The following LOC128462377 variants were observed in gnomAD, a reference collection of about 807,000 sequenced individuals.
At chr16:89,324,783 T>C in the LOC128462377 span, 1 of 292,104 alleles carries the variant, frequency 3.4e-6, no homozygotes, top group Non-Finnish European at 6.7e-6. Flanking sequence ...AAAGCTGCGC[T>C]GTTGGCTTCC....
chr16:89,317,509 G>C, the LOC128462377 span, among the ~76,000 whole-genome samples: 1 of 152,158 alleles, frequency 6.6e-6, no homozygotes, highest in Admixed American at 6.5e-5. Flanking sequence ...AGGTCTGGCA[G>C]GTCATGTCCA....
the LOC128462377 span, among the ~76,000 whole-genome samples, chr16:89,321,588 G>C: frequency 1.3e-5 from 2 of 152,208 alleles, 1 homozygote. Context: ...GGGTCCCCTC[G>C]GGCCTTCTGA....
chr16:89,399,248 CG>C, the LOC128462377 span, among the ~76,000 whole-genome samples: 2 of 152,060 alleles, frequency 1.3e-5, no homozygotes, highest in Non-Finnish European at 1.5e-5. Context: ...TTCATTTATC[CG>C]TAAGAGAAGC....
chr16:89,323,486 G>A, the LOC128462377 span, among the ~76,000 whole-genome samples: 1 of 112,008 alleles, frequency 8.9e-6, no homozygotes, highest in Non-Finnish European at 1.8e-5. Context: ...GCAGAGCCCA[G>A]GGCAGGGGGG....
chr16:89,354,493 A>AGGGCAGC, the LOC128462377 span, among the ~76,000 whole-genome samples: 1 of 152,370 alleles, frequency 6.6e-6, no homozygotes, highest in African/African-American at 2.4e-5. Flanking sequence ...CAGAGGGCAG[A>AGGGCAGC]GGGCAGCGTG....
At chr16:89,354,541 C>A in the LOC128462377 span, among the ~76,000 whole-genome samples, 3 of 152,130 alleles carry the variant, frequency 2.0e-5, no homozygotes, top group Non-Finnish European at 4.4e-5. Context: ...CACTTCTAGG[C>A]TGGAATACTC....
At chr16:89,338,726 CAAAAAAAAAAAA>C in the LOC128462377 span, among the ~76,000 whole-genome samples, 1 of 43,792 alleles carries the variant, frequency 2.3e-5, no homozygotes, top group Non-Finnish European at 3.9e-5. Flanking sequence ...CACTCAGTCT[CAAAAAAAAAAAA>C]AAAAAAAAAA....
At chr16:89,365,915 G>T in the LOC128462377 span, among the ~76,000 whole-genome samples, 17 of 151,856 alleles carry the variant, frequency 1.1e-4, no homozygotes, top group African/African-American at 3.9e-4. Context: ...CTGTGTCCAC[G>T]TGTTCTCATC....
At chr16:89,381,140 T>G in the LOC128462377 span, among the ~76,000 whole-genome samples, 1 of 152,034 alleles carries the variant, frequency 6.6e-6, no homozygotes, top group Non-Finnish European at 1.5e-5. Flanking sequence ...CCGGCCAACA[T>G]GGCGAAACCC....
At chr16:89,326,886 T>A in the LOC128462377 span, among the ~76,000 whole-genome samples, 3 of 152,180 alleles carry the variant, frequency 2.0e-5, no homozygotes, top group African/African-American at 7.2e-5. Flanking sequence ...TCCGGGCACA[T>A]CTGCACGTGG....
At chr16:89,318,431 C>T in the LOC128462377 span, among the ~76,000 whole-genome samples, 1 of 152,266 alleles carries the variant, frequency 6.6e-6, no homozygotes, top group South Asian at 2.1e-4. Flanking sequence ...GTGCACGTCT[C>T]TGCCCTTTCC....
the LOC128462377 span, among the ~76,000 whole-genome samples, chr16:89,377,117 TC>T: frequency 2.0e-5 from 3 of 152,114 alleles, no homozygotes; most frequent in Non-Finnish European, 4.4e-5. Context: ...ATGCCCTTGG[TC>T]CCCCAGAACC....
the LOC128462377 span, among the ~76,000 whole-genome samples, chr16:89,339,426 G>A: frequency 4.6e-5 from 7 of 152,198 alleles, no homozygotes; most frequent in African/African-American, 1.2e-4. Flanking sequence ...GCATCACACA[G>A]GTCAGATCTG....
At chr16:89,337,318 C>T in the LOC128462377 span, among the ~76,000 whole-genome samples, 1 of 151,892 alleles carries the variant, frequency 6.6e-6, no homozygotes, top group Non-Finnish European at 1.5e-5. Flanking sequence ...TCCTCCGCCA[C>T]GTGACCAAGC....
At chr16:89,386,844 C>T in the LOC128462377 span, among the ~76,000 whole-genome samples, 1 of 152,306 alleles carries the variant, frequency 6.6e-6, no homozygotes, top group East Asian at 1.9e-4. Context: ...TCAGTCCTAT[C>T]ACAGCCAGAG....
the LOC128462377 span, among the ~76,000 whole-genome samples, chr16:89,378,859 T>G: frequency 1.1e-4 from 15 of 141,256 alleles, no homozygotes; most frequent in Admixed American, 7.1e-4. Context: ...AAGGGGTTGA[T>G]GGGTGGGGCG....
At chr16:89,384,813 C>T in the LOC128462377 span, among the ~76,000 whole-genome samples, 2 of 150,384 alleles carry the variant, frequency 1.3e-5, no homozygotes, top group Admixed American at 6.7e-5. Context: ...ACAACAGAAC[C>T]GCTGCAGGTG....
chr16:89,400,890 G>A, the LOC128462377 span, among the ~76,000 whole-genome samples: 1 of 152,126 alleles, frequency 6.6e-6, no homozygotes, highest in East Asian at 1.9e-4. Flanking sequence ...TTGGACGCCT[G>A]TCGCCCTCCA....
the LOC128462377 span, among the ~76,000 whole-genome samples, chr16:89,335,527 C>T: frequency 6.6e-6 from 1 of 152,230 alleles, no homozygotes; most frequent in Non-Finnish European, 1.5e-5. Flanking sequence ...CGCTATACCA[C>T]TCCCATGAAA....
Sources: allele counts gnomAD v4.1 joint callset (sites outside exome capture counted in the v4.1 genomes callset), GRCh38; gene constraint gnomAD v4.1.1; transcripts MANE v1.5.